ADGB: variants seen among roughly 807,000 people sequenced by gnomAD.
The protein encoded by ADGB is androglobin, also known as calpain-7-like protein.
Under a neutral mutation model 210.5 loss-of-function variants are expected in ADGB, and 172 were observed. That is an observed-to-expected ratio of 0.82 (90% CI 0.72 to 0.93). ADGB has a LOEUF of 0.93. ADGB is among the 40% of genes least tolerant of loss of function. The pLI, the probability that ADGB is intolerant of heterozygous loss-of-function variation, is 0.00. For synonymous variants in ADGB, 658 were observed against 662.7 expected (o/e 0.99, Z 0.11); for missense variants, 2,025 against 1,964.8 (o/e 1.03, Z -0.58).
intron 9 of ADGB, among the ~76,000 whole-genome samples, chr6:146,685,453 C>T (rs939673045): frequency 5.9e-5 from 9 of 151,828 alleles, no homozygotes; most frequent in South Asian, 2.1e-4. Context: ...GTTGCACTGA[C>T]GAATAACTAG....
chr6:146,650,119 T>C (rs1775679511), intron 3 of ADGB, among the ~76,000 whole-genome samples: 1 of 152,160 alleles, frequency 6.6e-6, no homozygotes, highest in Non-Finnish European at 1.5e-5. Context: ...ATGGCTAAAC[T>C]TTCTTTGCCC....
intron 1 of ADGB, among the ~76,000 whole-genome samples, chr6:146,606,392 T>C (rs1037592648): frequency 6.6e-6 from 1 of 152,224 alleles, no homozygotes; most frequent in Non-Finnish European, 1.5e-5. Context: ...AGAAGCTCTT[T>C]AGTTTAATTA....
In ADGB at chr6:146,635,521, GA is replaced by G. The variant is rs1775405555; in HGVS notation, c.226del (p.Ser76AlafsTer20). The G allele has an allele frequency of 1.3e-6, 2 of 1,536,244 alleles. No homozygotes were observed. The highest frequency in any genetic ancestry group is 1.8e-6 in the Non-Finnish European group (2 of 1,140,712). ...GKGAKEKDKT[G>X]KSPVFHFFED... is the part of the protein sequence containing the mutation. ...GGTGCAAAAGAAAAGGACAAAACAG[GA>G]AAAAGCCCTGTATTTGTAAGTAGAT... On this transcript the variant is annotated frameshift_variant, in exon 2 of 36. Transcript: ENST00000397944. LOFTEE classifies it high-confidence loss of function.
intron 29 of ADGB, among the ~76,000 whole-genome samples, chr6:146,781,528 A>T (rs1281364544): frequency 6.6e-6 from 1 of 151,978 alleles, no homozygotes; most frequent in East Asian, 1.9e-4. Flanking sequence ...ATATAGCTAC[A>T]AATGCTTGTA....
At chr6:146,621,716 T>G (rs1190677132) in intron 1 of ADGB, among the ~76,000 whole-genome samples, 1 of 152,182 alleles carries the variant, frequency 6.6e-6, no homozygotes, top group African/African-American at 2.4e-5. Flanking sequence ...GCTTAGGATC[T>G]TCTATTCTGT....
chr6:146,731,580 T>C (rs1021044777), intron 20 of ADGB, among the ~76,000 whole-genome samples: 6 of 152,140 alleles, frequency 3.9e-5, no homozygotes, highest in Non-Finnish European at 7.4e-5. Context: ...TCATTTACCA[T>C]GGAAGCATTA....
intron 2 of ADGB, among the ~76,000 whole-genome samples, chr6:146,644,447 A>C (rs1011833166): frequency 6.6e-6 from 1 of 151,882 alleles, no homozygotes; most frequent in Non-Finnish European, 1.5e-5. Context: ...TATCTGGCCC[A>C]TCGTAAATTG....
rs555476219 is a variant in ADGB, at chr6:146,741,452, AAAGCAT to A, written c.3177+182_3177+187del. 4.8e-3 allele frequency among the ~76,000 whole-genome samples: 730 copies of A among 152,298 alleles called. 7 individuals carry two copies. Among genetic ancestry groups the A allele is most frequent in the African/African-American group, 0.016 (683 of 41,556 alleles). On this transcript the variant is annotated intron_variant, in intron 25 of 35. Coordinates refer to ENST00000397944, the MANE Select transcript of ADGB (RefSeq NM_024694.4). ...GTAGGAGATATTAAATGTAAGTGCT[AAAGCAT>A]TCTTTACCTCTCAACGCTCTTTCTT...
intron 7 of ADGB, among the ~76,000 whole-genome samples, chr6:146,671,474 G>A (rs1285434134): frequency 6.6e-6 from 1 of 152,156 alleles, no homozygotes; most frequent in Non-Finnish European, 1.5e-5. Context: ...CTAAGTAGAA[G>A]GTGATGCAGG....
intron 19 of ADGB, among the ~76,000 whole-genome samples, chr6:146,726,461 G>A (rs1161492387): frequency 6.6e-6 from 1 of 152,084 alleles, no homozygotes; most frequent in African/African-American, 2.4e-5. Flanking sequence ...CTGACCTTGT[G>A]ATCTGCCCAC....
chr6:146,619,984 C>A (rs1780865318), intron 1 of ADGB, among the ~76,000 whole-genome samples: 1 of 151,958 alleles, frequency 6.6e-6, no homozygotes, highest in African/African-American at 2.4e-5. Context: ...TTCCCTCAGC[C>A]TTTGTTTGTC....
At chr6:146,802,566 T>C in intron 35 of ADGB, 4 of 473,746 alleles carry the variant, frequency 8.4e-6, no homozygotes, top group Non-Finnish European at 1.1e-5. Flanking sequence ...ATCTACATAG[T>C]GCACTTTCAC....
At chr6:146,750,249 G>A (rs1200739379) in intron 26 of ADGB, among the ~76,000 whole-genome samples, 1 of 152,070 alleles carries the variant, frequency 6.6e-6, no homozygotes, top group Non-Finnish European at 1.5e-5. Context: ...GGAATAAAGA[G>A]TGGGGTTTAT....
intron 27 of ADGB, among the ~76,000 whole-genome samples, chr6:146,759,255 T>C (rs1777453152): frequency 6.6e-6 from 1 of 151,788 alleles, no homozygotes; most frequent in East Asian, 1.9e-4. Flanking sequence ...AATGAGCCAG[T>C]CACAGATCTT....
chr6:146,720,109 T>C (rs1423621156), intron 16 of ADGB, among the ~76,000 whole-genome samples: 3 of 152,188 alleles, frequency 2.0e-5, no homozygotes, highest in Non-Finnish European at 4.4e-5. Flanking sequence ...AAGTATAGTA[T>C]AATTCAATTA....
chr6:146,773,546 A>T (rs1777683745), intron 29 of ADGB, among the ~76,000 whole-genome samples: 2 of 152,162 alleles, frequency 1.3e-5, no homozygotes, highest in Admixed American at 6.5e-5. Flanking sequence ...CATCTTACTC[A>T]ACTTAGTAGT....
intron 8 of ADGB, among the ~76,000 whole-genome samples, chr6:146,674,224 G>A (rs908749040): frequency 6.6e-6 from 1 of 152,156 alleles, no homozygotes; most frequent in Non-Finnish European, 1.5e-5. Flanking sequence ...GAAGTGGGAA[G>A]TAAAATAATG....
chr6:146,726,596 CT>C (rs1209559195), intron 19 of ADGB, among the ~76,000 whole-genome samples: 3 of 152,270 alleles, frequency 2.0e-5, no homozygotes, highest in East Asian at 1.9e-4. Flanking sequence ...ACTCAACTTA[CT>C]TTTTTTACCT....
At position 146,782,116 on chromosome 6, in the gene ADGB, C is replaced by CAAGGAAAGGCA; in HGVS notation, c.3963_3973dup (p.Glu1325GlyfsTer43). ...AAATCTTCAGTAACTTCCAAAACAA[C>CAAGGAAAGGCA]AAGGAAAGGCAAAGAAAAGTCTTCT... On this transcript the variant is annotated frameshift_variant, in exon 30 of 36. Coordinates refer to ENST00000397944, the MANE Select transcript of ADGB (RefSeq NM_024694.4). LOFTEE classifies it high-confidence loss of function. The CAAGGAAAGGCA allele has an allele frequency of 6.5e-7, 1 of 1,547,924 alleles. No homozygotes were observed. The highest frequency in any genetic ancestry group is 8.7e-7 in the Non-Finnish European group (1 of 1,145,454).
Sources: allele counts gnomAD v4.1 joint callset (sites outside exome capture counted in the v4.1 genomes callset), GRCh38; gene constraint gnomAD v4.1.1; transcripts MANE v1.5; gene names NCBI Gene and HGNC (gene_info 2026-07-23, HGNC 2026-07-21).